The following AFG3L2 variants were observed in gnomAD, a reference collection of about 807,000 sequenced individuals.
AFG3L2 encodes AFG3 like matrix AAA peptidase subunit 2.
In AFG3L2, 54 loss-of-function variants were observed where a neutral mutation model predicts 94.5. The ratio of observed to expected loss-of-function variants is 0.57; its 90% CI spans 0.46 to 0.72. AFG3L2 has a LOEUF of 0.72. Ranked by LOEUF, AFG3L2 falls within the 30% of genes least tolerant of loss-of-function variation. AFG3L2 has a pLI of 0.00. For synonymous variants in AFG3L2, 377 were observed against 365.5 expected (o/e 1.03, Z -0.36); for missense variants, 754 against 994.9 (o/e 0.76, Z 3.26).
chr18:12,340,524 C>A, intron 14 of AFG3L2, 123 bp from the exon 15 acceptor site: 1 of 800,600 alleles, frequency 1.2e-6, no homozygotes, highest in Non-Finnish European at 2.2e-6. Flanking sequence ...GTTCATCAGC[C>A]TTAGTGGGAT....
intron 10 of AFG3L2, among the ~76,000 whole-genome samples, chr18:12,352,027 T>C (rs1187124216): frequency 6.6e-6 from 1 of 152,184 alleles, no homozygotes; most frequent in Non-Finnish European, 1.5e-5. Context: ...TGTCTTAAAA[T>C]CAGATTAAAT....
At position 12,377,141 on chromosome 18, in the gene AFG3L2, TGGCGGCCTCGGGA is replaced by T; in HGVS notation, c.-72_-60del. The stretch of plus-strand genomic sequence containing the variant: ...TGCGCAGGCGCGGGCAGGCGACGAC[TGGCGGCCTCGGGA>T]AGCGGGCTCGGCTCGGGGAAAGGCC... On this transcript the variant is annotated 5_prime_UTR_variant, in exon 1 of 17. Transcript: ENST00000269143. The T allele has an allele frequency of 7.9e-7, 1 of 1,268,638 alleles. No homozygotes were observed. The highest frequency in any genetic ancestry group is 1.0e-6 in the Non-Finnish European group (1 of 965,676). The allele number at this position is 1,268,638 out of a possible 1,614,324, so 78.6% of individuals were successfully genotyped here.
chr18:12,337,226 G>C (rs767854613), intron 16 of AFG3L2, 115 bp downstream of exon 16: 2 of 929,176 alleles, frequency 2.2e-6, no homozygotes, highest in East Asian at 2.4e-5. Context: ...CGGACCCATG[G>C]GTGAGCCAGA....
At chr18:12,334,813 A>G (rs1468467532) in intron 16 of AFG3L2, among the ~76,000 whole-genome samples, 2 of 152,284 alleles carry the variant, frequency 1.3e-5, no homozygotes, top group East Asian at 1.9e-4. Flanking sequence ...ATTTCTGCTC[A>G]AGATTCTTTA....
chr18:12,344,503 C>T (rs1018504964), intron 13 of AFG3L2, among the ~76,000 whole-genome samples: 13 of 151,974 alleles, frequency 8.6e-5, no homozygotes, highest in South Asian at 2.1e-4. Context: ...GGTGAAACCC[C>T]GTCTCTACTA....
chr18:12,329,462 G>GC lies in AFG3L2; in HGVS notation c.*102dup, dbSNP rs1365511917. The GC allele has an allele frequency of 1.4e-5, 17 of 1,244,948 alleles. No individual in the cohort carries two copies. The highest frequency in any genetic ancestry group is 1.8e-5 in the Non-Finnish European group (15 of 847,376). The allele number at this position is 1,244,948 out of a possible 1,614,324, so 77.1% of individuals were successfully genotyped here. A position where few individuals can be genotyped will look rare whatever the true frequency, so the allele number is the denominator to read the frequency against. The stretch of plus-strand genomic sequence containing the variant: ...ATCATTTCAGCTGGGCCAGTGGCTG[G>GC]CTAAAATCAGCGCAGCATTCCCATT... On this transcript the variant is annotated 3_prime_UTR_variant, in exon 17 of 17. Transcript: ENST00000269143.
chr18:12,346,775 G>GC (rs1908150580), intron 13 of AFG3L2, among the ~76,000 whole-genome samples: 3 of 151,840 alleles, frequency 2.0e-5, no homozygotes, highest in Non-Finnish European at 4.4e-5. Context: ...GTGGTGGCAC[G>GC]CACCTGTAAT....
rs1283291652 is a variant in AFG3L2, at chr18:12,376,952, G to A, written c.114+17C>T. Reference sequence around the variant, plus strand: ...CGAGGCAGGGTGGAGGGCGCCGGGCGCCCAGGTAGGACTCACCGTCCGGAG... The same window carrying A: ...CGAGGCAGGGTGGAGGGCGCCGGGCACCCAGGTAGGACTCACCGTCCGGAG... On this transcript the variant is annotated intron_variant, in intron 1 of 16. Coordinates refer to ENST00000269143, the MANE Select transcript of AFG3L2 (RefSeq NM_006796.3). 1.4e-5 allele frequency: 20 copies of A among 1,422,896 alleles called. No individual in the cohort carries two copies. The highest frequency in any genetic ancestry group is 1.8e-5 in the Non-Finnish European group (20 of 1,089,448). The allele number at this position is 1,422,896 out of a possible 1,614,324, so 88.1% of individuals were successfully genotyped here.
At chr18:12,338,185 C>T (rs1907815578) in intron 15 of AFG3L2, among the ~76,000 whole-genome samples, 1 of 152,200 alleles carries the variant, frequency 6.6e-6, no homozygotes, top group Admixed American at 6.5e-5. Flanking sequence ...TATCCTCCCA[C>T]TTCAGCTTCC....
At chr18:12,335,668 G>A (rs1184559508) in intron 16 of AFG3L2, among the ~76,000 whole-genome samples, 1 of 152,174 alleles carries the variant, frequency 6.6e-6, no homozygotes, top group Non-Finnish European at 1.5e-5. Context: ...GCTCAGGGCT[G>A]CCCCCGGGCT....
At chr18:12,376,558 G>A (rs1001869696) in intron 1 of AFG3L2, among the ~76,000 whole-genome samples, 2 of 152,222 alleles carry the variant, frequency 1.3e-5, no homozygotes, top group African/African-American at 4.8e-5. Flanking sequence ...CGGAGACTCG[G>A]AGAGGTTAGG....
chr18:12,370,728 G>A, intron 3 of AFG3L2, 121 bp downstream of exon 3: 1 of 714,876 alleles, frequency 1.4e-6, no homozygotes, highest in Non-Finnish European at 2.4e-6. Context: ...CAAAAGGCTG[G>A]GATTACAGGC....
intron 7 of AFG3L2, 131 bp from the exon 8 acceptor site, chr18:12,359,074 G>A (rs939636651): frequency 2.2e-5 from 30 of 1,335,858 alleles, no homozygotes; most frequent in Admixed American, 1.5e-4. Context: ...ACAAAGGAGG[G>A]TAACTTGCAA....
At chr18:12,332,940 C>CATATCCTATATAAT (rs1907589268) in intron 16 of AFG3L2, among the ~76,000 whole-genome samples, 1 of 112,202 alleles carries the variant, frequency 8.9e-6, no homozygotes, top group Non-Finnish European at 1.7e-5. Flanking sequence ...TACTATATAA[C>CATATCCTATATAAT]ATATAATATA....
chr18:12,350,835 C>A (rs952860609), intron 12 of AFG3L2, among the ~76,000 whole-genome samples: 1 of 152,084 alleles, frequency 6.6e-6, no homozygotes, highest in African/African-American at 2.4e-5. Context: ...GTAGTCCCAG[C>A]TACAAACAAG....
chr18:12,376,270 C>T (rs1048328331), intron 1 of AFG3L2, among the ~76,000 whole-genome samples: 2 of 152,240 alleles, frequency 1.3e-5, no homozygotes, highest in Non-Finnish European at 2.9e-5. Flanking sequence ...GTCACTTAAA[C>T]AGTGAGAGCG....
chr18:12,339,867 A>C (rs1236158940), intron 15 of AFG3L2, among the ~76,000 whole-genome samples: 1 of 150,456 alleles, frequency 6.6e-6, no homozygotes, highest in Non-Finnish European at 1.5e-5. Context: ...AAAAAAAAAA[A>C]AAATTAGCCA....
Position 12,329,759 on chromosome 18 carries a change from C to A in AFG3L2, c.2200G>T (p.Glu734Ter), listed in dbSNP as rs752335461. Reference protein sequence around the residue: ...EKVALLLLEKEVLDKNDMVEL... With the variant: ...EKVALLLLEK ...ACCATATCATTCTTATCTAATACTT[C>A]TTTTTCTAACAACAGAAGAGCAACC... Residue 734 changes from glutamate (E) to a stop codon, truncating the protein, a stop_gained, in exon 17 of 17, where the codon GAA becomes TAA. Coordinates refer to ENST00000269143, the MANE Select transcript of AFG3L2 (RefSeq NM_006796.3). LOFTEE classifies it high-confidence loss of function. 6.2e-7 allele frequency: 1 copy of A among 1,614,134 alleles called. No individual in the cohort carries two copies. The highest frequency in any genetic ancestry group is 1.7e-5 in the Admixed American group (1 of 60,026).
rs937457438 is a variant in AFG3L2 at position 12,363,729 on chromosome 18, A to G, written c.627+53T>C. The G allele has an allele frequency of 4.2e-5, 62 of 1,460,590 alleles. 1 individual carries two copies. The highest frequency in any genetic ancestry group is 2.7e-4 in the Admixed American group (16 of 59,678). 90.5% of individuals were successfully genotyped at this position (1,460,590 alleles called of 1,614,324 possible). ...AGGCAGGTTTTCCTTTCAGCTTTAA[A>G]TCTGAAAAAGTTAATTTACAACTAA... On this transcript the variant is annotated intron_variant, in intron 6 of 16. Coordinates refer to ENST00000269143, the MANE Select transcript of AFG3L2 (RefSeq NM_006796.3).
Sources: allele counts gnomAD v4.1 joint callset (sites outside exome capture counted in the v4.1 genomes callset), GRCh38; gene constraint gnomAD v4.1.1; transcripts MANE v1.5; gene names NCBI Gene and HGNC (gene_info 2026-07-23, HGNC 2026-07-21).